LYST: variants seen among roughly 807,000 people sequenced by gnomAD.
LYST encodes lysosomal trafficking regulator, also known as lysosomal-trafficking regulator.
LYST carries 192 observed loss-of-function variants against 413.6 expected under a neutral mutation model. The ratio of observed to expected loss-of-function variants is 0.46; its 90% confidence interval spans 0.41 to 0.52. LYST has a LOEUF of 0.52. LYST is among the 20% of genes least tolerant of loss of function. LYST has a pLI of 0.00. For synonymous variants in LYST, 1,525 were observed against 1,567.3 expected (o/e 0.97, Z 0.64); for missense variants, 3,815 against 4,499.9 (o/e 0.85, Z 4.35).
chr1:235,667,742 C>T (rs768662649), intron 50 of LYST, among the ~76,000 whole-genome samples: 2 of 151,988 alleles, frequency 1.3e-5, no homozygotes, highest in Non-Finnish European at 2.9e-5. Flanking sequence ...TCTCAGCTCA[C>T]TGCAACCTCC....
At chr1:235,805,117 G>A (rs1672668516) in intron 6 of LYST, among the ~76,000 whole-genome samples, 1 of 152,190 alleles carries the variant, frequency 6.6e-6, no homozygotes, top group African/African-American at 2.4e-5. Context: ...GACAGAAGAG[G>A]TCTGCCATAT....
intron 19 of LYST, among the ~76,000 whole-genome samples, chr1:235,771,916 T>TG (rs753905813): frequency 1.6e-5 from 2 of 124,300 alleles, no homozygotes; most frequent in African/African-American, 5.6e-5. Flanking sequence ...TTTTTTAGTT[T>TG]GTTTTTTTTT....
At position 235,762,769 on chromosome 1, in the gene LYST, A is replaced by G. The variant is rs144005676; in HGVS notation, c.6204T>C (p.Pro2068=). Residue 2068 remains proline (P), a synonymous_variant, in exon 22 of 53, where the codon CCT becomes CCC. Transcript: ENST00000389793. ...SSSGGRSLMS[P]GFMVISPSGF... Reference sequence around the variant, plus strand: ...CAGATGGGCTTATTACCATAAATCCAGGGCTCATAAGGGACCTTCCTCCAC... The same window carrying G: ...CAGATGGGCTTATTACCATAAATCCGGGGCTCATAAGGGACCTTCCTCCAC... The G allele has an allele frequency of 7.4e-6, 12 of 1,613,048 alleles. No individual in the cohort carries two copies. In the African/African-American group the frequency reaches 1.3e-4, roughly 18 times the overall value.
In LYST at chr1:235,661,395, CA is replaced by C. The variant is rs1223323547; in HGVS notation, c.*1544del. ...GACAATAGCTGCAATTTTTTGTTAACAAAGCAAATCACTTCAACGTGAATAG... is the reference window on the plus strand; with the variant it reads ...GACAATAGCTGCAATTTTTTGTTAACAAGCAAATCACTTCAACGTGAATAG... On this transcript the variant is annotated 3_prime_UTR_variant, in exon 53 of 53. Coordinates refer to ENST00000389793, the MANE Select transcript of LYST (RefSeq NM_000081.4). 1.3e-5 allele frequency: 2 copies of C among 152,332 alleles called. No homozygotes were observed. Among genetic ancestry groups the C allele is most frequent in the Non-Finnish European group, 2.9e-5 (2 of 68,006 alleles). The allele number at this position is 152,332 out of a possible 1,614,324, so 9.4% of individuals were successfully genotyped here.
At chr1:235,770,355 T>G in intron 19 of LYST, 58 bp from the exon 20 acceptor site, 1 of 1,490,810 alleles carries the variant, frequency 6.7e-7, no homozygotes, top group Non-Finnish European at 9.4e-7. Context: ...TGCAGCATGC[T>G]TTTTGGAAGA....
upstream of LYST, among the ~76,000 whole-genome samples, chr1:235,869,712 C>T (rs954709239): frequency 2.0e-5 from 3 of 152,288 alleles, no homozygotes; most frequent in African/African-American, 7.2e-5. Context: ...CAAATCATGT[C>T]ACATCTCTGC....
intron 4 of LYST, among the ~76,000 whole-genome samples, chr1:235,810,738 A>G (rs188289854): frequency 2.0e-5 from 3 of 152,350 alleles, no homozygotes; most frequent in South Asian, 4.1e-4. Flanking sequence ...ACTAGCTGAC[A>G]TTAGTTCAAA....
chr1:235,848,798 A>G (rs1156536869), intron 1 of LYST, among the ~76,000 whole-genome samples: 11 of 152,142 alleles, frequency 7.2e-5, no homozygotes, highest in Admixed American at 5.9e-4. Flanking sequence ...ACATTCCTGG[A>G]AAAATACAAC....
chr1:235,776,979 G>T (rs148595284), intron 17 of LYST, 84 bp downstream of exon 17: 2 of 1,231,538 alleles, frequency 1.6e-6, no homozygotes, highest in Non-Finnish European at 2.3e-6. Flanking sequence ...TAGCTTTTTC[G>T]TGTGGTCCAA....
intron 44 of LYST, among the ~76,000 whole-genome samples, chr1:235,708,804 T>C (rs890822040): frequency 6.6e-6 from 1 of 152,148 alleles, no homozygotes; most frequent in African/African-American, 2.4e-5. Flanking sequence ...CTTTGTATCA[T>C]TTACTGTAAT....
intron 1 of LYST, among the ~76,000 whole-genome samples, chr1:235,858,841 T>C (rs1023600861): frequency 6.6e-5 from 10 of 152,072 alleles, no homozygotes; most frequent in Non-Finnish European, 1.0e-4. Flanking sequence ...CTATTTGTTT[T>C]CTGCATTGTT....
Position 235,826,536 on chromosome 1 carries a change from G to C in LYST, c.192+3690C>G, listed in dbSNP as rs970202069. On this transcript the variant is annotated intron_variant, in intron 3 of 52. Coordinates refer to ENST00000389793, the MANE Select transcript of LYST (RefSeq NM_000081.4). Reference sequence around the variant, plus strand: ...CTACATGATTCCAAAGCTACATTTAGATGCTAAAAGTCACAACAGTGGTGG... The same window carrying C: ...CTACATGATTCCAAAGCTACATTTACATGCTAAAAGTCACAACAGTGGTGG... Among the ~76,000 whole-genome samples the C allele has an allele frequency of 3.7e-4, 57 of 152,158 alleles. 1 individual carries two copies. The highest frequency in any genetic ancestry group is 1.4e-3 in the African/African-American group (56 of 41,432).
At chr1:235,762,014 C>A (rs935982780) in intron 22 of LYST, among the ~76,000 whole-genome samples, 2 of 150,354 alleles carry the variant, frequency 1.3e-5, no homozygotes, top group Admixed American at 6.6e-5. Flanking sequence ...AGGAGATATG[C>A]CTAATGCTAA....
chr1:235,718,241 T>C (rs1232586564), intron 40 of LYST, among the ~76,000 whole-genome samples: 1 of 151,212 alleles, frequency 6.6e-6, no homozygotes, highest in Non-Finnish European at 1.5e-5. Flanking sequence ...AGCTGAAAAA[T>C]ACAAAATTAC....
chr1:235,754,103 T>A (rs534916836), intron 25 of LYST, among the ~76,000 whole-genome samples: 1 of 152,240 alleles, frequency 6.6e-6, no homozygotes, highest in African/African-American at 2.4e-5. Context: ...CCAGGAATTC[T>A]AGGTGAGGGA....
chr1:235,722,711 C>T (rs905860408), intron 39 of LYST, among the ~76,000 whole-genome samples: 2 of 152,088 alleles, frequency 1.3e-5, no homozygotes, highest in African/African-American at 4.8e-5. Context: ...GTCTTGAACT[C>T]CTGACCTCAT....
intron 1 of LYST, among the ~76,000 whole-genome samples, chr1:235,845,877 C>T (rs1677790951): frequency 6.6e-6 from 1 of 151,994 alleles, no homozygotes; most frequent in Admixed American, 6.5e-5. Context: ...CTAGCCCCAC[C>T]CCCACCTGAT....
Position 235,757,322 on chromosome 1 carries a change from C to T in LYST, c.7018G>A (p.Val2340Ile), listed in dbSNP as rs540634120. The T allele has an allele frequency of 1.9e-5, 30 of 1,613,412 alleles. No individual in the cohort carries two copies. Among genetic ancestry groups the T allele is most frequent in the South Asian group, 1.6e-4 (15 of 91,050 alleles). The change falls in exon 24 of 53, where the codon GTT becomes ATT. Residue 2340 changes from valine to isoleucine, a missense_variant. Val to Ile is a conservative substitution (Grantham distance 29, BLOSUM62 3). This residue lies in a region of LYST where 771 missense variants were observed against 837.1 expected (regional missense o/e 0.92). Coordinates refer to ENST00000389793, the MANE Select transcript of LYST (RefSeq NM_000081.4). ...LIQADTLLVL[V>I]NHPSPAIQQG... is the part of the protein sequence containing the mutation. ...TGTATAGCTGGTGATGGGTGGTTAA[C>T]GAGGACCAAAAGTGTATCTGCTTGA...
intron 39 of LYST, among the ~76,000 whole-genome samples, chr1:235,722,781 G>A (rs955326666): frequency 2.6e-5 from 4 of 152,222 alleles, no homozygotes; most frequent in African/African-American, 9.6e-5. Context: ...ACTGTGCCCG[G>A]CCCTGAGCAA....
Sources: gnomAD v4.1 joint callset for allele counts (sites outside exome capture counted in the v4.1 genomes callset) on GRCh38, gnomAD v4.1.1 for gene constraint, gnomAD v4.1.1 regional missense constraint, MANE v1.5 for transcripts, NCBI Gene and HGNC (gene_info 2026-07-23, HGNC 2026-07-21) for gene names.